ROBO1: variants seen among roughly 807,000 people sequenced by gnomAD.
ROBO1 encodes the protein roundabout homolog 1.
ROBO1 carries 149 observed loss-of-function variants against 195.9 expected under a neutral mutation model. The observed-to-expected ratio is 0.76, with a 90% CI of 0.67 to 0.87. ROBO1 has a LOEUF of 0.87. Among genes scored for constraint, ROBO1 ranks in the 40% least tolerant of loss-of-function variants. ROBO1 has a pLI of 0.00. For missense variants in ROBO1, 1,933 were observed against 2,068.3 expected (o/e 0.93, Z 1.27); for synonymous variants, 816 against 733.2 (o/e 1.11, Z -1.82).
rs138082446 is a variant in ROBO1, at chr3:78,668,549, C to T, written c.1565G>A (p.Arg522Gln). The T allele has an allele frequency of 2.5e-4, 402 of 1,613,526 alleles. 1 individual carries two copies. In the African/African-American group the frequency reaches 4.6e-3, roughly 18 times the overall value. ...GGGGGTTGATGCAATGCAGGTGTAC[C>T]GACCAGTATCACCCAGCTGAGAAGG... ...IRYAKLGDTG[R>Q]YTCIASTPSG... is the part of the protein sequence containing the mutation. The change falls in exon 12 of 31, where the codon CGG becomes CAG. Residue 522 changes from arginine (R) to glutamine (Q), a missense_variant. Arg to Gln is a conservative substitution (Grantham distance 43). Transcript: ENST00000464233.
chr3:78,875,943 G>C (rs915133518), intron 4 of ROBO1, among the ~76,000 whole-genome samples: 3 of 151,982 alleles, frequency 2.0e-5, no homozygotes, highest in Non-Finnish European at 4.4e-5. Flanking sequence ...TTTGCCAAAA[G>C]AACTATATCA....
At chr3:79,663,338 T>C (rs1233102357) in intron 1 of ROBO1, among the ~76,000 whole-genome samples, 21 of 152,228 alleles carry the variant, frequency 1.4e-4, no homozygotes, top group East Asian at 3.9e-4. Flanking sequence ...TATATGTTTG[T>C]CAAAAGGCAG....
At chr3:78,941,582 C>A (rs1257525322) in intron 3 of ROBO1, among the ~76,000 whole-genome samples, 1 of 152,054 alleles carries the variant, frequency 6.6e-6, no homozygotes, top group Non-Finnish European at 1.5e-5. Context: ...CAAAGAAGGG[C>A]CACCGAAGAT....
At chr3:79,443,036 A>G (rs1275939888) in intron 2 of ROBO1, among the ~76,000 whole-genome samples, 1 of 152,198 alleles carries the variant, frequency 6.6e-6, no homozygotes, top group African/African-American at 2.4e-5. Context: ...TCATGCTTTT[A>G]CATTCCTTAG....
chr3:79,056,730 G>T (rs190027588), intron 3 of ROBO1, among the ~76,000 whole-genome samples: 1 of 151,984 alleles, frequency 6.6e-6, no homozygotes, highest in Non-Finnish European at 1.5e-5. Context: ...AATCCAGACC[G>T]CCCAGTTATC....
intron 2 of ROBO1, among the ~76,000 whole-genome samples, chr3:79,154,757 AG>A (rs1377556805): frequency 6.6e-6 from 1 of 151,812 alleles, no homozygotes; most frequent in Non-Finnish European, 1.5e-5. Context: ...CAATCCTGTA[AG>A]GAGGCTGAAT....
intron 4 of ROBO1, among the ~76,000 whole-genome samples, chr3:78,902,832 G>A (rs558685731): frequency 6.6e-5 from 10 of 152,158 alleles, no homozygotes; most frequent in South Asian, 2.1e-4. Context: ...TGACAAAGGC[G>A]AAACTCCACC....
chr3:79,411,818 G>A (rs879296357), intron 2 of ROBO1, among the ~76,000 whole-genome samples: 38 of 151,984 alleles, frequency 2.5e-4, no homozygotes, highest in African/African-American at 4.6e-4. Context: ...GCAACCTCTC[G>A]GAAATGCTAA....
chr3:78,604,475 G>C (rs1703355995), intron 29 of ROBO1, among the ~76,000 whole-genome samples: 1 of 152,202 alleles, frequency 6.6e-6, no homozygotes, highest in South Asian at 2.1e-4. Flanking sequence ...TCACTATTTG[G>C]AGTCGAGTCA....
intron 2 of ROBO1, among the ~76,000 whole-genome samples, chr3:79,162,920 T>C (rs1268654771): frequency 6.6e-6 from 1 of 152,138 alleles, no homozygotes; most frequent in Non-Finnish European, 1.5e-5. Context: ...AAAAATCATA[T>C]GTTTAAATTG....
chr3:79,455,427 T>C (rs2039587025), intron 2 of ROBO1, among the ~76,000 whole-genome samples: 1 of 152,096 alleles, frequency 6.6e-6, no homozygotes, highest in African/African-American at 2.4e-5. Context: ...AATTGTGAGG[T>C]GTGTAATTTT....
intron 16 of ROBO1, 93 bp from the exon 17 acceptor site, chr3:78,659,900 ATAC>A: frequency 1.1e-6 from 1 of 874,304 alleles, no homozygotes; most frequent in Non-Finnish European, 1.6e-6. Context: ...AGATGTATTA[ATAC>A]TATATCAATA....
chr3:79,575,459 A>G (rs1217755825), intron 2 of ROBO1, among the ~76,000 whole-genome samples: 5 of 135,664 alleles, frequency 3.7e-5, no homozygotes, highest in Admixed American at 2.4e-4. Context: ...ATAAATATAT[A>G]TAACAAATAC....
chr3:79,748,337 A>G (rs1703963359), intron 1 of ROBO1, among the ~76,000 whole-genome samples: 1 of 152,186 alleles, frequency 6.6e-6, no homozygotes, highest in Non-Finnish European at 1.5e-5. Flanking sequence ...ATATTTTTAA[A>G]TGAATCTGAA....
chr3:79,076,403 A>T (rs2079175013), intron 3 of ROBO1, among the ~76,000 whole-genome samples: 1 of 151,176 alleles, frequency 6.6e-6, no homozygotes, highest in Non-Finnish European at 1.5e-5. Flanking sequence ...CTTAAATATA[A>T]TAAACTCAAA....
chr3:78,971,735 T>C (rs1360405212), intron 3 of ROBO1, among the ~76,000 whole-genome samples: 1 of 151,876 alleles, frequency 6.6e-6, no homozygotes, highest in Non-Finnish European at 1.5e-5. Context: ...CTGACATCTT[T>C]TAAATATTTT....
At chr3:78,962,823 CAAAAAAA>C (rs770515270) in intron 3 of ROBO1, among the ~76,000 whole-genome samples, 17 of 26,218 alleles carry the variant, frequency 6.5e-4, no homozygotes, top group Admixed American at 2.2e-3. Flanking sequence ...GACTCCATCT[CAAAAAAA>C]AAAAAAAAAA....
In ROBO1 at chr3:78,820,727, CTAG is replaced by C. The variant is rs554665503; in HGVS notation, c.500-73830_500-73828del. ...CAGCTAGTCCGAGAAGCCTCACATACTAGTCTGTAACTATATTAAAACTGCTAC... is the reference window on the plus strand; with the variant it reads ...CAGCTAGTCCGAGAAGCCTCACATACTCTGTAACTATATTAAAACTGCTAC... On this transcript the variant is annotated intron_variant, in intron 4 of 30. Coordinates refer to ENST00000464233, the MANE Select transcript of ROBO1 (RefSeq NM_002941.4). 2.0e-5 allele frequency among the ~76,000 whole-genome samples: 3 copies of C among 152,320 alleles called. No individual in the cohort carries two copies. The South Asian group carries it at 6.2e-4, about 32-fold the overall frequency.
At chr3:79,574,285 T>A (rs2107759382) in intron 2 of ROBO1, among the ~76,000 whole-genome samples, 1 of 152,094 alleles carries the variant, frequency 6.6e-6, no homozygotes, top group South Asian at 2.1e-4. Flanking sequence ...TTCAACTGGA[T>A]CACGCGTTTA....
Sources: gnomAD v4.1 joint callset for allele counts (sites outside exome capture counted in the v4.1 genomes callset) on GRCh38, gnomAD v4.1.1 for gene constraint, MANE v1.5 for transcripts, NCBI Gene and HGNC (gene_info 2026-07-23, HGNC 2026-07-21) for gene names.